Variants in COL6A1 observed in about 807,000 individuals in gnomAD.
COL6A1 encodes collagen alpha-1(VI) chain.
Under a neutral mutation model 145.6 loss-of-function variants are expected in COL6A1, and 80 were observed. That is an observed-to-expected ratio of 0.55 (90% CI 0.46 to 0.66). The LOEUF is 0.66. Ranked by LOEUF, COL6A1 falls within the 30% of genes least tolerant of loss-of-function variation. COL6A1 has a pLI of 0.00. For synonymous variants in COL6A1, 638 were observed against 622.8 expected, an observed-to-expected ratio of 1.02 and a Z score of -0.36; for missense variants, 1,364 against 1,473.8, an observed-to-expected ratio of 0.93 and a Z score of 1.22.
rs571641824 is a variant in COL6A1 at position 45,984,397 on chromosome 21, C to T, written c.356C>T (p.Ala119Val). ...GRDALKSSVD[A>V]VKYFGKGTYT... Reference sequence around the variant, plus strand: ...GACGCACTCAAAAGCAGCGTGGACGCGGTCAAGTACTTTGGGAAGGGCACC... The same window carrying T: ...GACGCACTCAAAAGCAGCGTGGACGTGGTCAAGTACTTTGGGAAGGGCACC... The change falls in exon 3 of 35, where the codon GCG becomes GTG. Residue 119 changes from alanine to valine, a missense_variant. This residue lies in a region of COL6A1 where 414 missense variants were observed against 437.6 expected (regional missense o/e 0.95). Transcript: ENST00000361866. The T allele has an allele frequency of 2.8e-5, 45 of 1,612,732 alleles. No individual in the cohort carries two copies. Among genetic ancestry groups the T allele is most frequent in the East Asian group, 2.5e-4 (11 of 44,874 alleles).
chr21:45,991,034 G>C lies in COL6A1; in HGVS notation c.1112G>C (p.Gly371Ala). 6.2e-7 allele frequency: 1 copy of C among 1,613,268 alleles called. No individual in the cohort carries two copies. ...GACCCCGGTGCCTTTGGACTGAAAG[G>C]AGAAAAGGTGAGTGACTTGCGGCCC... ...KGDPGAFGLKGEKGEPGADGE... is the reference protein window; with the variant it reads ...KGDPGAFGLKAEKGEPGADGE... The change falls in exon 15 of 35, where the codon GGA becomes GCA. Residue 371 changes from glycine (G) to alanine (A), a missense_variant. Gly to Ala is a moderately conservative substitution (Grantham distance 60). Transcript: ENST00000361866.
At chr21:45,999,317 G>A (rs528288666) in intron 26 of COL6A1, 99 bp downstream of exon 26, 13 of 1,236,642 alleles carry the variant, frequency 1.1e-5, no homozygotes, top group East Asian at 5.1e-5. Flanking sequence ...AGTGGGAGGC[G>A]GCGGGAGGGA....
At chr21:45,999,782 A>C in intron 27 of COL6A1, 90 bp downstream of exon 27, 15 of 820,220 alleles carry the variant, frequency 1.8e-5, no homozygotes, top group East Asian at 1.4e-4. Context: ...GCTCCTGTAG[A>C]CGCTGCTCAC....
At chr21:45,987,576 G>A (rs2077747095) in intron 7 of COL6A1, 34 bp from the exon 8 acceptor site, 1 of 1,612,528 alleles carries the variant, frequency 6.2e-7, no homozygotes, top group African/African-American at 1.3e-5. Context: ...ACCTGAGTCT[G>A]GGGTCCTGGC....
In COL6A1 at chr21:45,994,850, C is replaced by T. The variant is rs2077796152; in HGVS notation, c.1398+621C>T. Reference sequence around the variant, plus strand: ...TGCATCCTCCCGGAGCTCACCTGCCCCACGGGGACAGGAAGGCCTCCACAC... The same window carrying T: ...TGCATCCTCCCGGAGCTCACCTGCCTCACGGGGACAGGAAGGCCTCCACAC... On this transcript the variant is annotated intron_variant, in intron 20 of 34. Transcript: ENST00000361866. This position sits in a 1 kb window ranked among gnomAD's most constrained non-coding sequence, Gnocchi z 6.8. Among the ~76,000 whole-genome samples, 1 of 152,134 alleles carries T rather than the reference C, an allele frequency of 6.6e-6. No individual in the cohort carries two copies. The highest frequency in any genetic ancestry group is 2.4e-5 in the African/African-American group (1 of 41,416).
At chr21:45,999,560 G>C (rs2077826284) in intron 26 of COL6A1, 97 bp from the exon 27 acceptor site, 3 of 1,360,150 alleles carry the variant, frequency 2.2e-6, no homozygotes, top group Non-Finnish European at 2.1e-6. Context: ...GGGTGGGCTT[G>C]ATGAGGGGCA....
At chr21:45,990,323 A>C in intron 12 of COL6A1, 39 bp downstream of exon 12, 1 of 1,612,340 alleles carries the variant, frequency 6.2e-7, no homozygotes, top group East Asian at 2.2e-5. Flanking sequence ...TTCTGCCCCC[A>C]CGGCAGCATG....
At chr21:45,999,634 C>G in intron 26 of COL6A1, 23 bp from the exon 27 acceptor site, 1 of 1,612,954 alleles carries the variant, frequency 6.2e-7, no homozygotes, top group African/African-American at 1.3e-5. Context: ...CCTCAGAGCT[C>G]CTCTACTCCG....
At position 45,994,206 on chromosome 21, in the gene COL6A1, C is replaced by G; in HGVS notation, c.1375C>G (p.Pro459Ala). 1 of 1,609,420 alleles carries G rather than the reference C, an allele frequency of 6.2e-7. No homozygotes were observed. Among genetic ancestry groups the G allele is most frequent in the Non-Finnish European group, 8.5e-7 (1 of 1,178,488 alleles). The change falls in exon 20 of 35, where the codon CCC becomes GCC. Residue 459 changes from proline to alanine, a missense_variant. By Grantham distance (27) the Pro-to-Ala change is conservative. Transcript: ENST00000361866. The surrounding 1 kb of genome is among the most constrained non-coding windows in gnomAD (Gnocchi z 6.8). ...GCAGGGTGATCAGGGAAGAGAAGGC[C>G]CCGTTGGTGTCCCTGGAGACCCGGT... ...GPQGDQGREG[P>A]VGVPGDPGEA...
Position 45,999,653 on chromosome 21 carries a change from A to C in COL6A1, c.1741-4A>C. ...AGAGCTCCTCTACTCCGTTTCTCGGACAGGGACCCCCAGGACACCAAGGAC... is the reference window on the plus strand; with the variant it reads ...AGAGCTCCTCTACTCCGTTTCTCGGCCAGGGACCCCCAGGACACCAAGGAC... On this transcript the variant is annotated splice_polypyrimidine_tract_variant and splice_region_variant and intron_variant, in intron 26 of 34. Transcript: ENST00000361866. 1.9e-6 allele frequency: 3 copies of C among 1,613,370 alleles called. No homozygotes were observed. The highest frequency in any genetic ancestry group is 1.7e-6 in the Non-Finnish European group (2 of 1,179,888).
intron 20 of COL6A1, among the ~76,000 whole-genome samples, chr21:45,996,309 C>T (rs2123480105): frequency 6.6e-6 from 1 of 152,318 alleles, no homozygotes; most frequent in Middle Eastern, 3.4e-3. Flanking sequence ...TCCTTGAGGC[C>T]CGTGTGCAAA....
chr21:46,004,057 C>T lies in COL6A1; in HGVS notation c.*44C>T. On this transcript the variant is annotated 3_prime_UTR_variant, in exon 35 of 35. Coordinates refer to ENST00000361866, the MANE Select transcript of COL6A1 (RefSeq NM_001848.3). ...ACCAAACCCTGTCCTCCCACCCCTCCCCACTCATCACTAAACAGAGTAAAA... is the reference window on the plus strand; with the variant it reads ...ACCAAACCCTGTCCTCCCACCCCTCTCCACTCATCACTAAACAGAGTAAAA... 6.2e-7 allele frequency: 1 copy of T among 1,610,634 alleles called. No individual in the cohort carries two copies. Among genetic ancestry groups the T allele is most frequent in the Non-Finnish European group, 8.5e-7 (1 of 1,178,512 alleles).
At position 46,003,828 on chromosome 21, in the gene COL6A1, G is replaced by A. The variant is rs771207889; in HGVS notation, c.2902G>A (p.Glu968Lys). 7.5e-6 allele frequency: 12 copies of A among 1,604,570 alleles called. No individual in the cohort carries two copies. The highest frequency in any genetic ancestry group is 1.1e-5 in the South Asian group (1 of 90,918). The change falls in exon 35 of 35, where the codon GAG becomes AAG. Residue 968 changes from glutamate to lysine, a missense_variant. By Grantham distance (56) the Glu-to-Lys change is moderately conservative. Transcript: ENST00000361866. The part of the protein sequence containing the change: ...AVQEAQRAGI[E>K]IFVVVVGRQV... ...GCAGGAAGCCCAGCGGGCAGGCATC[G>A]AGATCTTCGTGGTGGTCGTGGGCCG...
intron 13 of COL6A1, 35 bp downstream of exon 13, chr21:45,990,457 C>A: frequency 6.7e-6 from 2 of 299,006 alleles, no homozygotes; most frequent in Non-Finnish European, 5.0e-6. Context: ...CGGGGAGGGA[C>A]GAGGAGGAAT....
chr21:45,998,480 A>G lies in COL6A1; in HGVS notation c.1611+47A>G, dbSNP rs1569518733. The G allele has an allele frequency of 1.9e-6, 3 of 1,612,074 alleles. No homozygotes were observed. In the African/African-American group the frequency reaches 4.0e-5, roughly 22 times the overall value. On this transcript the variant is annotated intron_variant, in intron 24 of 34. Transcript: ENST00000361866. ...TCTGGCTGTGGGCACACAAACATTC[A>G]CAGTCACAGGGACACGCACGTGTGA...
intron 5 of COL6A1, 34 bp downstream of exon 5, chr21:45,987,106 C>T (rs755507811): frequency 8.9e-6 from 14 of 1,570,728 alleles, no homozygotes; most frequent in African/African-American, 5.4e-5. Context: ...GGGAGGCCCG[C>T]GGCGGCCGCA....
At chr21:45,991,259 C>A (rs1224649805) in intron 15 of COL6A1, among the ~76,000 whole-genome samples, 1 of 152,256 alleles carries the variant, frequency 6.6e-6, no homozygotes, top group Non-Finnish European at 1.5e-5. Context: ...CAGAGCCTTC[C>A]CTGCAGCCCG....
intron 20 of COL6A1, among the ~76,000 whole-genome samples, chr21:45,995,992 C>T (rs1475119947): frequency 6.6e-6 from 1 of 152,242 alleles, no homozygotes; most frequent in African/African-American, 2.4e-5. Flanking sequence ...CCCTCCCCTC[C>T]ACCCTGCCCA....
intron 7 of COL6A1, 33 bp from the exon 8 acceptor site, chr21:45,987,577 G>A (rs746818337): frequency 1.3e-5 from 21 of 1,612,630 alleles, no homozygotes; most frequent in Admixed American, 5.0e-5. Flanking sequence ...CCTGAGTCTG[G>A]GGTCCTGGCT....
Sources: gnomAD v4.1 joint callset for allele counts (sites outside exome capture counted in the v4.1 genomes callset) on GRCh38, gnomAD v4.1.1 for gene constraint, gnomAD v4.1.1 regional missense constraint, Gnocchi (gnomAD v3.1) non-coding constraint, MANE v1.5 for transcripts, NCBI Gene and HGNC (gene_info 2026-07-23, HGNC 2026-07-21) for gene names.